PIEZO2: variants seen among roughly 807,000 people sequenced by gnomAD.
The protein encoded by PIEZO2 is piezo type mechanosensitive ion channel component 2, also known as piezo-type mechanosensitive ion channel component 2.
A neutral mutation model predicts 337.3 loss-of-function variants in PIEZO2; 172 were observed. That is an observed-to-expected ratio of 0.51 (90% CI 0.45 to 0.58). The LOEUF (loss-of-function observed/expected upper bound fraction) is 0.58, where lower values mean the gene tolerates loss of function less well. Ranked by LOEUF, PIEZO2 falls within the 20% of genes least tolerant of loss-of-function variation. The pLI is 0.00. For missense variants in PIEZO2, 3,028 were observed against 3,391.3 expected (o/e 0.89, Z 2.66); for synonymous variants, 1,251 against 1,228.5 (o/e 1.02, Z -0.38).
chr18:10,937,587 G>A lies in PIEZO2; in HGVS notation c.287-26359C>T, dbSNP rs550606722. Among the ~76,000 whole-genome samples, 56 of 152,288 alleles carry A rather than the reference G, an allele frequency of 3.7e-4. 1 individual carries two copies. The highest frequency in any genetic ancestry group is 5.3e-4 in the Non-Finnish European group (36 of 68,032). ...TAACAGGTGAAAGCTCCATGTAACAGGTGAAAGCAATGAAAAAACAGACCC... is the reference window on the plus strand; with the variant it reads ...TAACAGGTGAAAGCTCCATGTAACAAGTGAAAGCAATGAAAAAACAGACCC... On this transcript the variant is annotated intron_variant, in intron 3 of 55. Transcript: ENST00000674853.
chr18:10,935,073 A>G (rs1364192368), intron 3 of PIEZO2, among the ~76,000 whole-genome samples: 2 of 152,154 alleles, frequency 1.3e-5, no homozygotes, highest in Non-Finnish European at 2.9e-5. Context: ...TTCTCTGATC[A>G]GACTGTTTCT....
rs751058853 is a variant in PIEZO2, at chr18:10,705,422, C to T, written c.5913G>A (p.Pro1971=). 37 of 1,537,128 alleles carry T rather than the reference C, an allele frequency of 2.4e-5. No homozygotes were observed. The highest frequency in any genetic ancestry group is 3.3e-4 in the Middle Eastern group (2 of 6,012). The change falls in exon 41 of 56, where the codon CCG becomes CCA. Residue 1971 remains proline (P), a synonymous_variant. Transcript: ENST00000674853. ...SAGKNRMAVS[P]DDSRTDKLGS... ...CCAGCTTGTCGGTGCGGCTGTCGTC[C>T]GGGCTGACTGCCATACGGTTCTTGC...
chr18:11,058,635 C>A (rs1280511740), intron 2 of PIEZO2, among the ~76,000 whole-genome samples: 1 of 152,104 alleles, frequency 6.6e-6, no homozygotes, highest in East Asian at 1.9e-4. Context: ...AATGCACAAG[C>A]TTCAGTAGCC....
At chr18:10,696,603 AC>A in intron 45 of PIEZO2, 64 bp from the exon 46 acceptor site, 1 of 1,562,990 alleles carries the variant, frequency 6.4e-7, no homozygotes, top group Non-Finnish European at 8.7e-7. Flanking sequence ...GGCAGAAATG[AC>A]CAGACACTGC....
At chr18:11,058,367 C>A (rs569913569) in intron 2 of PIEZO2, among the ~76,000 whole-genome samples, 1 of 152,174 alleles carries the variant, frequency 6.6e-6, no homozygotes, top group South Asian at 2.1e-4. Flanking sequence ...AATCAGAGCA[C>A]CTCTCCTCCT....
At chr18:10,933,043 C>A (rs1160392022) in intron 3 of PIEZO2, among the ~76,000 whole-genome samples, 1 of 152,042 alleles carries the variant, frequency 6.6e-6, no homozygotes, top group Non-Finnish European at 1.5e-5. Flanking sequence ...CTAGGCTGAG[C>A]AAACAGGAGG....
chr18:10,801,977 T>G (rs1385941006), intron 9 of PIEZO2, among the ~76,000 whole-genome samples: 4 of 150,530 alleles, frequency 2.7e-5, no homozygotes, highest in South Asian at 2.1e-4. Context: ...TCCCAGATAC[T>G]TGGGAGGCTG....
Position 11,033,246 on chromosome 18 carries a change from G to C in PIEZO2, c.160+32881C>G, listed in dbSNP as rs2036805220. On this transcript the variant is annotated intron_variant, in intron 2 of 55. Transcript: ENST00000674853. This position sits in a 1 kb window ranked among gnomAD's most constrained non-coding sequence, Gnocchi z 4.2. ...TGAGAGGCAAAGTGACTTACCTAAA[G>C]CCCTAAGGCTGGCCTATGGAGAAGG... 6.6e-6 allele frequency among the ~76,000 whole-genome samples: 1 copy of C among 152,158 alleles called. No individual in the cohort carries two copies. Among genetic ancestry groups the C allele is most frequent in the African/African-American group, 2.4e-5 (1 of 41,448 alleles).
At chr18:10,705,812 A>T in intron 40 of PIEZO2, 66 bp from the exon 41 acceptor site, 1 of 1,441,778 alleles carries the variant, frequency 6.9e-7, no homozygotes, top group Non-Finnish European at 9.1e-7. Context: ...GTTCTTTCCC[A>T]TTCCTGAGAG....
Position 10,847,021 on chromosome 18 carries a change from C to T in PIEZO2, c.917+8332G>A, listed in dbSNP as rs1402037630. On this transcript the variant is annotated intron_variant, in intron 7 of 55. Coordinates refer to ENST00000674853, the MANE Select transcript of PIEZO2 (RefSeq NM_001378183.1). This position sits in a 1 kb window ranked among gnomAD's most constrained non-coding sequence, Gnocchi z 5.7. ...TCTGGGCTGGGCACTATCTTCACCC[C>T]TATTTTATAAATAAGGAAACAGAGG... Among the ~76,000 whole-genome samples, 1 of 152,186 alleles carries T rather than the reference C, an allele frequency of 6.6e-6. No individual in the cohort carries two copies. Among genetic ancestry groups the T allele is most frequent in the Non-Finnish European group, 1.5e-5 (1 of 68,030 alleles).
At position 10,691,318 on chromosome 18, in the gene PIEZO2, G is replaced by A; in HGVS notation, c.7256C>T (p.Ser2419Phe). ...GTAGCCACAACGGATCTGGTAAGCA[G>A]ACAACCCGAAGTAAACACATTTCAC... ...YFVKCVYFGL[S>F]AYQIRCGYPT... Residue 2419 changes from serine to phenylalanine, a missense_variant, in exon 48 of 56, where the codon TCT (serine) becomes TTT (phenylalanine). By Grantham distance (155) the Ser-to-Phe change is radical. Transcript: ENST00000674853. 7 of 1,614,038 alleles carry A rather than the reference G, an allele frequency of 4.3e-6. No individual in the cohort carries two copies. Among genetic ancestry groups the A allele is most frequent in the Non-Finnish European group, 5.9e-6 (7 of 1,179,976 alleles).
chr18:10,704,559 C>T lies in PIEZO2; in HGVS notation c.6093G>A (p.Leu2031=), dbSNP rs1222238657. ...AGCACACCATCTCCGAGCGGGCCAC[C>T]AGGGTATTGTACATGGCATAGAAGA... ...LLLFYAMYNT[L]VARSEMVCYF... is the part of the protein sequence containing the mutation. Residue 2031 remains leucine (L), a synonymous_variant, in exon 42 of 56, where the codon CTG becomes CTA. Transcript: ENST00000674853. 1 of 1,537,292 alleles carries T rather than the reference C, an allele frequency of 6.5e-7. No homozygotes were observed. The highest frequency in any genetic ancestry group is 1.2e-5 in the South Asian group (1 of 84,062).
intron 33 of PIEZO2, among the ~76,000 whole-genome samples, 166 bp from the exon 34 acceptor site, chr18:10,736,876 C>T (rs1317580976): frequency 6.6e-6 from 1 of 152,162 alleles, no homozygotes; most frequent in Non-Finnish European, 1.5e-5. Flanking sequence ...TCATCTTCGG[C>T]TAATGCTACG....
chr18:10,985,412 A>G (rs1054095886), intron 2 of PIEZO2, among the ~76,000 whole-genome samples: 1 of 152,096 alleles, frequency 6.6e-6, no homozygotes, highest in Non-Finnish European at 1.5e-5. Flanking sequence ...GTGTGATCCA[A>G]TATTCCCAAT....
At chr18:10,814,320 TC>T (rs2040296485) in intron 7 of PIEZO2, among the ~76,000 whole-genome samples, 1 of 152,144 alleles carries the variant, frequency 6.6e-6, no homozygotes, top group African/African-American at 2.4e-5. Context: ...GAGTTCTAAT[TC>T]CAAGACAGCT....
chr18:10,951,298 G>A (rs541002963), intron 3 of PIEZO2, among the ~76,000 whole-genome samples: 2 of 152,222 alleles, frequency 1.3e-5, no homozygotes, highest in East Asian at 3.9e-4. Flanking sequence ...ACATACCAAA[G>A]ACCATCTGGT....
intron 4 of PIEZO2, among the ~76,000 whole-genome samples, chr18:10,892,516 T>G (rs2042784941): frequency 1.3e-5 from 2 of 152,032 alleles, no homozygotes; most frequent in African/African-American, 4.8e-5. Context: ...AGACTCTTTT[T>G]GGGGATAATG....
chr18:10,747,283 C>T (rs1225293946), intron 30 of PIEZO2, among the ~76,000 whole-genome samples: 1 of 152,026 alleles, frequency 6.6e-6, no homozygotes, highest in Non-Finnish European at 1.5e-5. Context: ...GCCTGAACCA[C>T]AAAGGAAAAA....
intron 47 of PIEZO2, among the ~76,000 whole-genome samples, chr18:10,693,413 A>G (rs2034944541): frequency 6.7e-6 from 1 of 148,606 alleles, no homozygotes; most frequent in African/African-American, 2.5e-5. Flanking sequence ...TTTGTCACCC[A>G]GGCTGGAGTG....
Sources: allele counts gnomAD v4.1 joint callset (sites outside exome capture counted in the v4.1 genomes callset), GRCh38; gene constraint gnomAD v4.1.1; non-coding constraint Gnocchi (gnomAD v3.1); transcripts MANE v1.5; gene names NCBI Gene and HGNC (gene_info 2026-07-23, HGNC 2026-07-21).